CBFA2T3: variants seen among roughly 807,000 people sequenced by gnomAD.
CBFA2T3 encodes transcriptional corepressor CBFA2T3.
In CBFA2T3, 31 loss-of-function variants were observed where a neutral mutation model predicts 58.6. That is an observed-to-expected ratio of 0.53 (90% confidence interval 0.40 to 0.71). The LOEUF is 0.71. CBFA2T3 is among the 30% of genes least tolerant of loss of function. The pLI is 0.00. For synonymous variants in CBFA2T3, 531 were observed against 421.9 expected, an observed-to-expected ratio of 1.26 and a Z score of -3.17; for missense variants, 1,076 against 963.1, an observed-to-expected ratio of 1.12 and a Z score of -1.55.
intron 9 of CBFA2T3, 127 bp downstream of exon 9, chr16:88,881,163 AG>A: frequency 3.5e-6 from 3 of 864,090 alleles, no homozygotes; most frequent in Non-Finnish European, 3.8e-6. Context: ...AAAGTGAAAA[AG>A]GTGCCTCTTT....
chr16:88,917,861 CGGA>C (rs995224183), intron 1 of CBFA2T3, among the ~76,000 whole-genome samples: 9 of 150,128 alleles, frequency 6.0e-5, no homozygotes, highest in African/African-American at 2.2e-4. Context: ...AGAGTGGGTG[CGGA>C]GGAGAGCGTG....
chr16:88,940,028 G>C (rs940408783), intron 1 of CBFA2T3: 7 of 152,390 alleles, frequency 4.6e-5, no homozygotes, highest in African/African-American at 1.4e-4. Flanking sequence ...ACGCACACCC[G>C]GGCCGGACGC....
chr16:88,972,029 GC>G (rs1972668888), intron 1 of CBFA2T3, among the ~76,000 whole-genome samples: 1 of 152,230 alleles, frequency 6.6e-6, no homozygotes, highest in East Asian at 1.9e-4. Flanking sequence ...CAGGAAGCTG[GC>G]CCGGATTGCA....
chr16:88,880,713 C>CA lies in CBFA2T3; in HGVS notation c.1471+6dup. The CA allele has an allele frequency of 6.4e-7, 1 of 1,556,058 alleles. No homozygotes were observed. Among genetic ancestry groups the CA allele is most frequent in the Non-Finnish European group, 8.7e-7 (1 of 1,152,138 alleles). On this transcript the variant is annotated splice_region_variant and intron_variant, in intron 10 of 11. Transcript: ENST00000268679. ...TCTGCTGGCCAGGCCCCTGCACCCC[C>CA]ACTCACCAGCCTTCCTCCAGATGTC... is the stretch of plus-strand genomic sequence containing the variant.
At chr16:88,895,299 C>T (rs947730242) in intron 3 of CBFA2T3, among the ~76,000 whole-genome samples, 3 of 152,202 alleles carry the variant, frequency 2.0e-5, no homozygotes, top group Non-Finnish European at 4.4e-5. Context: ...TCAGCTTCCT[C>T]CACTCCGCCT....
At chr16:88,971,772 G>A (rs999170869) in intron 1 of CBFA2T3, among the ~76,000 whole-genome samples, 1 of 152,260 alleles carries the variant, frequency 6.6e-6, no homozygotes. Flanking sequence ...ACGTCTCCTC[G>A]GAGGAGCACT....
intron 1 of CBFA2T3, among the ~76,000 whole-genome samples, chr16:88,916,696 C>T (rs1433151799): frequency 6.6e-6 from 1 of 152,110 alleles, no homozygotes; most frequent in Non-Finnish European, 1.5e-5. Flanking sequence ...CCCTCCTTGC[C>T]TCCCAGCCCT....
intron 5 of CBFA2T3, among the ~76,000 whole-genome samples, chr16:88,888,568 T>TGGGAGGGGTGGGGG (rs1969487835): frequency 3.4e-4 from 1 of 2,940 alleles, no homozygotes; most frequent in Non-Finnish European, 6.9e-4. Context: ...AGGGGTGGGG[T>TGGGAGGGGTGGGGG]GGGGTGGGAG....
intron 3 of CBFA2T3, among the ~76,000 whole-genome samples, chr16:88,897,685 T>C (rs1969940783): frequency 6.6e-6 from 1 of 152,206 alleles, no homozygotes; most frequent in Non-Finnish European, 1.5e-5. Flanking sequence ...CAGGAACAGT[T>C]GCAGCTGGGA....
At position 88,882,655 on chromosome 16, in the gene CBFA2T3, TG is replaced by T; in HGVS notation, c.1203+20del. On this transcript the variant is annotated intron_variant, in intron 8 of 11. Coordinates refer to ENST00000268679, the MANE Select transcript of CBFA2T3 (RefSeq NM_005187.6). ...GCGCCTGGGCATGGCTGTGTGGGCGTGGCTGTGTGTGGACACTCACGTTGTT... is the reference window on the plus strand; with the variant it reads ...GCGCCTGGGCATGGCTGTGTGGGCGTGCTGTGTGTGGACACTCACGTTGTT... The T allele has an allele frequency of 6.6e-7, 1 of 1,516,978 alleles. No individual in the cohort carries two copies. The highest frequency in any genetic ancestry group is 9.0e-7 in the Non-Finnish European group (1 of 1,111,360). The allele number at this position is 1,516,978 out of a possible 1,614,324, so 94.0% of individuals were successfully genotyped here. A position where few individuals can be genotyped will look rare whatever the true frequency, so the allele number is the denominator to read the frequency against.
chr16:88,920,157 G>A (rs1970864713), intron 1 of CBFA2T3, among the ~76,000 whole-genome samples: 1 of 152,230 alleles, frequency 6.6e-6, no homozygotes, highest in Admixed American at 6.5e-5. Context: ...CAAGTCAGCT[G>A]ACCAGTGAAG....
chr16:88,949,767 T>G (rs1274498117), intron 1 of CBFA2T3, among the ~76,000 whole-genome samples: 1 of 151,934 alleles, frequency 6.6e-6, no homozygotes, highest in Non-Finnish European at 1.5e-5. Context: ...TCCCAGCACT[T>G]TGGGAGGCCG....
intron 1 of CBFA2T3, among the ~76,000 whole-genome samples, chr16:88,955,822 T>C (rs183472628): frequency 4.1e-4 from 21 of 50,926 alleles, no homozygotes; most frequent in South Asian, 7.9e-4. Flanking sequence ...GCTCCTGACC[T>C]CACCCAAGGC....
At chr16:88,902,667 G>T (rs987358635) in intron 1 of CBFA2T3, among the ~76,000 whole-genome samples, 1 of 152,194 alleles carries the variant, frequency 6.6e-6, no homozygotes, top group African/African-American at 2.4e-5. Flanking sequence ...CAGGGGGTGC[G>T]GGTGTAAGCC....
At chr16:88,944,610 C>T (rs149567767) in intron 1 of CBFA2T3, among the ~76,000 whole-genome samples, 255 of 152,344 alleles carry the variant, frequency 1.7e-3, no homozygotes, top group African/African-American at 5.5e-3. Flanking sequence ...TCTGGCCATC[C>T]TGATCCCCCT....
intron 1 of CBFA2T3, among the ~76,000 whole-genome samples, chr16:88,955,882 G>C (rs1204445214): frequency 1.7e-4 from 21 of 122,308 alleles, no homozygotes; most frequent in South Asian, 5.4e-4. Flanking sequence ...CCTGACCCCA[G>C]CCAAGTCTCC....
At chr16:88,912,091 G>A (rs1970550366) in intron 1 of CBFA2T3, among the ~76,000 whole-genome samples, 1 of 152,272 alleles carries the variant, frequency 6.6e-6, no homozygotes, top group Admixed American at 6.5e-5. Flanking sequence ...CCCCGGCCCA[G>A]GGCTTCCCGT....
At chr16:88,940,396 C>T (rs963702899) in intron 1 of CBFA2T3, 1 of 153,092 alleles carries the variant, frequency 6.5e-6, no homozygotes, top group Admixed American at 6.5e-5. Flanking sequence ...GAGGCTCACA[C>T]CTCCCTCCCC....
At chr16:88,899,764 G>A (rs1027200299) in intron 2 of CBFA2T3, among the ~76,000 whole-genome samples, 11 of 152,240 alleles carry the variant, frequency 7.2e-5, no homozygotes, top group Non-Finnish European at 1.3e-4. Context: ...GGGGCCTGAG[G>A]TTGTCTGTGG....
Sources: allele counts gnomAD v4.1 joint callset (sites outside exome capture counted in the v4.1 genomes callset), GRCh38; gene constraint gnomAD v4.1.1; transcripts MANE v1.5; gene names NCBI Gene and HGNC (gene_info 2026-07-23, HGNC 2026-07-21).